Variants in MORN1 observed in about 807,000 individuals in gnomAD.
MORN1 encodes the protein MORN repeat-containing protein 1.
MORN1 carries 67 observed loss-of-function variants against 61.9 expected under a neutral mutation model. The ratio of observed to expected loss-of-function variants is 1.08; its 90% CI spans 0.89 to 1.33. The LOEUF is 1.33. MORN1 is among the 40% of genes most tolerant of loss of function. MORN1 has a pLI of 0.00. For missense variants in MORN1, 752 were observed against 691.2 expected (o/e 1.09, Z -0.99); for synonymous variants, 301 against 292.0 (o/e 1.03, Z -0.31).
chr1:2,346,526 C>T (rs1425431549), intron 10 of MORN1, among the ~76,000 whole-genome samples: 1 of 152,280 alleles, frequency 6.6e-6, no homozygotes, highest in East Asian at 1.9e-4. Flanking sequence ...GCTGGGATTA[C>T]AGGCGCCCGC....
intron 10 of MORN1, chr1:2,355,285 C>A: frequency 2.1e-6 from 3 of 1,444,512 alleles, no homozygotes; most frequent in Middle Eastern, 2.6e-4. Context: ...CCGGGCCCCC[C>A]GTGGGCCTGT....
intron 4 of MORN1, chr1:2,386,293 G>A: frequency 5.0e-6 from 1 of 201,458 alleles, no homozygotes; most frequent in Admixed American, 5.4e-5. Flanking sequence ...GAAACTTCAA[G>A]TTCACAGTGA....
intron 8 of MORN1, among the ~76,000 whole-genome samples, chr1:2,360,541 A>T (rs1641871237): frequency 6.6e-6 from 1 of 152,228 alleles, no homozygotes; most frequent in African/African-American, 2.4e-5. Context: ...CAGTTGAGGA[A>T]AATGAGCAGA....
At chr1:2,388,410 G>T in intron 2 of MORN1, 73 bp from the exon 3 acceptor site, 1 of 1,221,138 alleles carries the variant, frequency 8.2e-7, no homozygotes, top group Non-Finnish European at 1.2e-6. Context: ...GCAGTGTTGG[G>T]CCTGTTTCTC....
At chr1:2,355,049 C>T in intron 10 of MORN1, 1 of 558,704 alleles carries the variant, frequency 1.8e-6, no homozygotes. Flanking sequence ...CAGGTAGGAT[C>T]CGCCCCAGAC....
chr1:2,342,577 C>A (rs1347316025), intron 10 of MORN1, among the ~76,000 whole-genome samples: 8 of 152,152 alleles, frequency 5.3e-5, no homozygotes, highest in Admixed American at 4.6e-4. Context: ...CGCGGGGGCA[C>A]ACAAGACACA....
chr1:2,343,053 G>T (rs1159632867), intron 10 of MORN1, among the ~76,000 whole-genome samples: 1 of 151,994 alleles, frequency 6.6e-6, no homozygotes, highest in African/African-American at 2.4e-5. Context: ...CTTTCCTGAG[G>T]CATAGAAAAT....
chr1:2,345,505 T>G (rs928360891), intron 10 of MORN1, among the ~76,000 whole-genome samples: 1 of 152,182 alleles, frequency 6.6e-6, no homozygotes, highest in Non-Finnish European at 1.5e-5. Context: ...GGGGACCCCC[T>G]GCCCTGCCAG....
chr1:2,385,643 G>C (rs1404535685), intron 5 of MORN1, 164 bp downstream of exon 5: 2 of 622,440 alleles, frequency 3.2e-6, no homozygotes, highest in Non-Finnish European at 2.9e-6. Context: ...CACAGAATGT[G>C]GTTCAACAAC....
chr1:2,321,509 GA>G lies in MORN1; in HGVS notation c.1367del (p.Phe456SerfsTer7). ...PFLGRRLPPA[F>X]KHLRVVAKRA... is the part of the protein sequence containing the mutation. Reference sequence around the variant, plus strand: ...TCTTCGCTACGACCCGCAGGTGTTTGAAGGCCGGGGGCAGCCTGCGCCCCAG... The same window carrying G: ...TCTTCGCTACGACCCGCAGGTGTTTGAGGCCGGGGGCAGCCTGCGCCCCAG... On this transcript the variant is annotated frameshift_variant, in exon 14 of 14. Coordinates refer to ENST00000378531, the MANE Select transcript of MORN1 (RefSeq NM_024848.3). LOFTEE classifies it low-confidence loss of function (END_TRUNC). The G allele has an allele frequency of 6.5e-7, 1 of 1,532,712 alleles. No individual in the cohort carries two copies. Among genetic ancestry groups the G allele is most frequent in the Non-Finnish European group, 8.8e-7 (1 of 1,139,200 alleles). The allele number at this position is 1,532,712 out of a possible 1,614,324, so 94.9% of individuals were successfully genotyped here.
At chr1:2,390,762 T>C (rs1166936446) in intron 1 of MORN1, 36 of 985,130 alleles carry the variant, frequency 3.7e-5, no homozygotes, top group Non-Finnish European at 4.3e-5. Context: ...CTTTTTTTTT[T>C]TTTTGAGACT....
chr1:2,323,474 C>T (rs1640928581), intron 13 of MORN1: 5 of 985,286 alleles, frequency 5.1e-6, no homozygotes, highest in Admixed American at 6.1e-5. Flanking sequence ...GCCGCGGTGC[C>T]CAGGTCCTGC....
intron 12 of MORN1, among the ~76,000 whole-genome samples, chr1:2,329,346 A>G (rs1471974094): frequency 6.6e-6 from 1 of 152,200 alleles, no homozygotes; most frequent in Admixed American, 6.5e-5. Flanking sequence ...AAGTTTCTAA[A>G]GAAGAACCCA....
chr1:2,357,721 C>T lies in MORN1; in HGVS notation c.870-123G>A, dbSNP rs1641806434. On this transcript the variant is annotated intron_variant, in intron 9 of 13. Transcript: ENST00000378531. The surrounding 1 kb of genome is among the most constrained non-coding windows in gnomAD (Gnocchi z 6.3). ...TACACTGAGTCCAGGGAGCGCTACT[C>T]AGCCTCTCTGGGAGGTCTCCTGCTG... 9 of 1,176,942 alleles carry T rather than the reference C, an allele frequency of 7.6e-6. No homozygotes were observed. The highest frequency in any genetic ancestry group is 1.6e-5 in the African/African-American group (1 of 63,498). 72.9% of individuals were successfully genotyped at this position (1,176,942 alleles called of 1,614,324 possible).
chr1:2,330,877 G>A (rs941983159), intron 12 of MORN1, among the ~76,000 whole-genome samples: 11 of 152,228 alleles, frequency 7.2e-5, no homozygotes, highest in Admixed American at 7.2e-4. Context: ...CTGTGTGGCT[G>A]GGCAAAGTCA....
At chr1:2,346,873 A>G (rs1392890506) in intron 10 of MORN1, among the ~76,000 whole-genome samples, 1 of 152,034 alleles carries the variant, frequency 6.6e-6, no homozygotes, top group East Asian at 1.9e-4. Flanking sequence ...CTGTCCTCCT[A>G]GTCTGGGTGG....
chr1:2,345,068 C>T (rs1641481973), intron 10 of MORN1, among the ~76,000 whole-genome samples: 1 of 152,058 alleles, frequency 6.6e-6, no homozygotes, highest in Non-Finnish European at 1.5e-5. Context: ...ACAGTGTCAG[C>T]CTCCAGGAGG....
At chr1:2,325,034 G>A (rs537337772) in intron 12 of MORN1, among the ~76,000 whole-genome samples, 11 of 150,382 alleles carry the variant, frequency 7.3e-5, no homozygotes, top group African/African-American at 2.5e-4. Flanking sequence ...GCTCTGTGTG[G>A]ACACCCACCC....
At chr1:2,383,717 A>T (rs112008755) in intron 6 of MORN1, among the ~76,000 whole-genome samples, 2 of 84,878 alleles carry the variant, frequency 2.4e-5, no homozygotes, top group Non-Finnish European at 6.6e-5. Flanking sequence ...CTGGACGCTC[A>T]GGGGGCCCCT....
Sources: allele counts gnomAD v4.1 joint callset (sites outside exome capture counted in the v4.1 genomes callset), GRCh38; gene constraint gnomAD v4.1.1; non-coding constraint Gnocchi (gnomAD v3.1); transcripts MANE v1.5; gene names NCBI Gene and HGNC (gene_info 2026-07-23, HGNC 2026-07-21).